Variants in ABCB9 observed in about 807,000 individuals in gnomAD.
ABCB9 encodes the protein ABC-type oligopeptide transporter ABCB9.
In ABCB9, 36 loss-of-function variants were observed where a neutral mutation model predicts 62.0. That is an observed-to-expected ratio of 0.58 (90% CI 0.45 to 0.77). ABCB9 has a LOEUF of 0.77. Among genes scored for constraint, ABCB9 ranks in the 30% least tolerant of loss-of-function variants. ABCB9 has a pLI of 0.00. For missense variants in ABCB9, 943 were observed against 1,054.7 expected (o/e 0.89, Z 1.47); for synonymous variants, 435 against 461.4 (o/e 0.94, Z 0.73).
exon 12 of ABCB9, chr12:122,921,024 T>A (rs1185062257): frequency 6.5e-7 from 1 of 1,535,372 alleles, no homozygotes; most frequent in Admixed American, 2.0e-5. Context: ...TTCTGATATC[T>A]GCAGGCTGGT....
At position 122,932,575 on chromosome 12, in the gene ABCB9, A is replaced by AGTGCAGGTGAGGCTG. The variant is rs2035236282; in HGVS notation, c.1904-248_1904-247insCAGCCTCACCTGCAC. 6.6e-6 allele frequency among the ~76,000 whole-genome samples: 1 copy of AGTGCAGGTGAGGCTG among 152,234 alleles called. No individual in the cohort carries two copies. The highest frequency in any genetic ancestry group is 1.5e-5 in the Non-Finnish European group (1 of 68,034). Reference sequence around the variant, plus strand: ...CAGAAACCCAAACATCTGATAGCACACAGTGCAGGTGAGGCTGCAGGGAGA... The same window carrying AGTGCAGGTGAGGCTG: ...CAGAAACCCAAACATCTGATAGCACAGTGCAGGTGAGGCTGCAGTGCAGGTGAGGCTGCAGGGAGA... On this transcript the variant is annotated intron_variant, in intron 10 of 11. Coordinates refer to ENST00000280560, the MANE Select transcript of ABCB9 (RefSeq NM_019625.4). The surrounding 1 kb of genome is among the most constrained non-coding windows in gnomAD (Gnocchi z 4.7).
chr12:122,969,185 C>CTG (rs1336130543), upstream of ABCB9, among the ~76,000 whole-genome samples: 20 of 143,492 alleles, frequency 1.4e-4, 1 homozygote, highest in African/African-American at 4.1e-4. Context: ...CCCCCCCCCC[C>CTG]CCCCCGGCTG....
At chr12:122,969,001 C>T (rs1257929831), upstream of ABCB9, among the ~76,000 whole-genome samples, 1 of 152,178 alleles carries the variant, frequency 6.6e-6, no homozygotes, top group Non-Finnish European at 1.5e-5. Context: ...ATATCTGGCC[C>T]ACTCTCCTTG....
At chr12:122,945,310 A>G (rs2035974537) in intron 6 of ABCB9, among the ~76,000 whole-genome samples, 1 of 152,022 alleles carries the variant, frequency 6.6e-6, no homozygotes, top group Admixed American at 6.6e-5. Context: ...CTCCGCAGCT[A>G]TGCCCTGACC....
intron 9 of ABCB9, among the ~76,000 whole-genome samples, chr12:122,936,756 T>A (rs1057030177): frequency 4.0e-5 from 6 of 151,582 alleles, no homozygotes; most frequent in Non-Finnish European, 7.4e-5. Context: ...AATAAAAAAT[T>A]AGCTGGGTGT....
chr12:122,954,226 G>C (rs1243368543), intron 2 of ABCB9, among the ~76,000 whole-genome samples: 1 of 148,718 alleles, frequency 6.7e-6, no homozygotes, highest in Non-Finnish European at 1.5e-5. Context: ...TATTTTTTTT[G>C]AGACGGAGTT....
At chr12:122,939,660 G>T in intron 9 of ABCB9, 1 of 154,336 alleles carries the variant, frequency 6.5e-6, no homozygotes, top group South Asian at 2.0e-4. Flanking sequence ...GCCTCCTGAG[G>T]AGCTGAGATT....
chr12:122,945,603 C>T (rs995525495), intron 6 of ABCB9, among the ~76,000 whole-genome samples: 7 of 152,128 alleles, frequency 4.6e-5, no homozygotes, highest in African/African-American at 1.7e-4. Flanking sequence ...CTCAGCAGGG[C>T]GCGGTGGCTC....
At chr12:122,969,420 GTA>G (rs1236759789), upstream of ABCB9, among the ~76,000 whole-genome samples, 1 of 152,220 alleles carries the variant, frequency 6.6e-6, no homozygotes, top group Non-Finnish European at 1.5e-5. Flanking sequence ...TTGGTGAATT[GTA>G]TGGTATGTAC....
chr12:122,972,130 C>T (rs1304507973), intron 1 of ABCB9, among the ~76,000 whole-genome samples: 1 of 149,638 alleles, frequency 6.7e-6, no homozygotes, highest in Non-Finnish European at 1.5e-5. Context: ...CTGCAAGCTC[C>T]GCTTCCCAGG....
chr12:122,968,164 A>G (rs912969302), upstream of ABCB9, among the ~76,000 whole-genome samples: 10 of 152,224 alleles, frequency 6.6e-5, no homozygotes, highest in Admixed American at 2.0e-4. Flanking sequence ...ATAAAGTTGA[A>G]CCATGTTACT....
At chr12:122,920,295 C>T (rs1239059537), downstream of ABCB9, among the ~76,000 whole-genome samples, 1 of 150,006 alleles carries the variant, frequency 6.7e-6, no homozygotes, top group Admixed American at 6.7e-5. Flanking sequence ...TGACTCAGCA[C>T]AGGTATCTCC....
At chr12:122,942,955 C>T (rs1473373883) in intron 7 of ABCB9, among the ~76,000 whole-genome samples, 2 of 152,176 alleles carry the variant, frequency 1.3e-5, no homozygotes, top group Non-Finnish European at 2.9e-5. Flanking sequence ...CCAGCAGATG[C>T]AATGGCCTGA....
rs1013224975 is a variant in ABCB9, at chr12:122,944,263, C to T, written c.1380+128G>A. On this transcript the variant is annotated intron_variant, in intron 7 of 11. Coordinates refer to ENST00000280560, the MANE Select transcript of ABCB9 (RefSeq NM_019625.4). This position sits in a 1 kb window ranked among gnomAD's most constrained non-coding sequence, Gnocchi z 4.9. The stretch of plus-strand genomic sequence containing the variant: ...CATTCTTGATATGATCATGCTGTCT[C>T]CCCTACTTACCTTAGAGAGAAATAC... 13 of 1,359,686 alleles carry T rather than the reference C, an allele frequency of 9.6e-6. No individual in the cohort carries two copies. The highest frequency in any genetic ancestry group is 2.2e-5 in the Admixed American group (1 of 46,448). 84.2% of individuals were successfully genotyped at this position (1,359,686 alleles called of 1,614,324 possible).
downstream of ABCB9, chr12:122,924,390 G>C (rs1267080100): frequency 9.4e-6 from 2 of 213,228 alleles, no homozygotes; most frequent in African/African-American, 4.5e-5. Context: ...GTAGAGACAG[G>C]GTCATGCTCT....
In ABCB9 at chr12:122,923,301, T is replaced by A. The variant is rs139342225; in HGVS notation, c.2041-2258A>T. On this transcript the variant is annotated intron_variant, in intron 11 of 11. Transcript: ENST00000344275. Reference sequence around the variant, plus strand: ...GTACTTCTTATTTATTTATTTATTTTTTTTGAGACGGAGTCTCGCTCTGTC... The same window carrying A: ...GTACTTCTTATTTATTTATTTATTTATTTTGAGACGGAGTCTCGCTCTGTC... Among the ~76,000 whole-genome samples, 364 of 151,958 alleles carry A rather than the reference T, an allele frequency of 2.4e-3. 4 individuals are homozygous for A. In the East Asian group the frequency reaches 0.036, roughly 15 times the overall value.
In ABCB9 at chr12:122,921,175, G is replaced by A. The variant is rs555005032; in HGVS notation, c.2041-132C>T. 506 of 831,162 alleles carry A rather than the reference G, an allele frequency of 6.1e-4. 10 individuals are homozygous for A. The South Asian group carries it at 7.3e-3, about 12-fold the overall frequency. 51.5% of individuals were successfully genotyped at this position (831,162 alleles called of 1,614,324 possible). A position where few individuals can be genotyped will look rare whatever the true frequency, so the allele number is the denominator to read the frequency against. On this transcript the variant is annotated intron_variant, in intron 11 of 11. Transcript: ENST00000344275. ...CACACCTGTAATCCCAGCACTTTGG[G>A]AGGCCGAGGCAGAAGGATCGCTTGA...
chr12:122,935,639 A>C (rs1181731084), intron 9 of ABCB9, among the ~76,000 whole-genome samples: 1 of 152,156 alleles, frequency 6.6e-6, no homozygotes, highest in Non-Finnish European at 1.5e-5. Flanking sequence ...CCTAATCAGC[A>C]AACTGGGGCC....
chr12:122,949,638 A>T, intron 4 of ABCB9, 150 bp downstream of exon 4: 2 of 1,098,458 alleles, frequency 1.8e-6, no homozygotes, highest in Non-Finnish European at 2.6e-6. Flanking sequence ...ACACAGGCCA[A>T]GCCCAGGGTG....
Sources: allele counts gnomAD v4.1 joint callset (sites outside exome capture counted in the v4.1 genomes callset), GRCh38; gene constraint gnomAD v4.1.1; non-coding constraint Gnocchi (gnomAD v3.1); transcripts MANE v1.5; gene names NCBI Gene and HGNC (gene_info 2026-07-23, HGNC 2026-07-21).